The following MCUB variants were observed in gnomAD, a reference collection of about 807,000 sequenced individuals.
MCUB encodes the protein calcium uniporter regulatory subunit MCUb, mitochondrial.
A neutral mutation model predicts 41.4 loss-of-function variants in MCUB; 46 were observed. The ratio of observed to expected loss-of-function variants is 1.11; its 90% CI spans 0.88 to 1.42. The LOEUF (loss-of-function observed/expected upper bound fraction) is 1.42. Among genes scored for constraint, MCUB ranks in the 40% most tolerant of loss-of-function variants. The probability of loss-of-function intolerance (pLI) is 0.00; values close to 1 mark genes in which losing one functional copy is unlikely to be tolerated. For synonymous variants in MCUB, 148 were observed against 148.2 expected, an observed-to-expected ratio of 1.00 and a Z score of 0.01; for missense variants, 403 against 404.9, an observed-to-expected ratio of 1.00 and a Z score of 0.04.
At chr4:109,656,290 A>ACCTCTGGGGAGACTT (rs1209217697) in intron 1 of MCUB, among the ~76,000 whole-genome samples, 1 of 147,392 alleles carries the variant, frequency 6.8e-6, no homozygotes, top group Admixed American at 7.0e-5. Flanking sequence ...GGCAGTGGTT[A>ACCTCTGGGGAGACTT]CCTCTGGGGA....
intron 1 of MCUB, among the ~76,000 whole-genome samples, chr4:109,569,288 C>T (rs1050893633): frequency 1.3e-5 from 2 of 151,988 alleles, no homozygotes; most frequent in Non-Finnish European, 2.9e-5. Flanking sequence ...CCTTGTGATC[C>T]GCCCGTCTCG....
intron 1 of MCUB, among the ~76,000 whole-genome samples, chr4:109,560,696 C>T (rs1726603849): frequency 6.6e-6 from 1 of 152,182 alleles, no homozygotes; most frequent in Admixed American, 6.5e-5. Context: ...TCACCCGGGC[C>T]GAGATAGGGT....
chr4:109,687,749 CT>C lies in MCUB; in HGVS notation c.*162del, dbSNP rs1729884065. 1.7e-6 allele frequency: 1 copy of C among 599,098 alleles called. No homozygotes were observed. The highest frequency in any genetic ancestry group is 2.1e-5 in the South Asian group (1 of 47,230). The allele number at this position is 599,098 out of a possible 1,614,324, so 37.1% of individuals were successfully genotyped here. A position where few individuals can be genotyped will look rare whatever the true frequency, so the allele number is the denominator to read the frequency against. On this transcript the variant is annotated 3_prime_UTR_variant, in exon 8 of 8. Transcript: ENST00000394650. ...TTGAAGTTCTCAACTGAGATTTTTA[CT>C]TTTTGGATTTTTATGACTTGCTAAT...
At chr4:109,650,025 T>C (rs1029452) in intron 1 of MCUB, among the ~76,000 whole-genome samples, 22,453 of 152,118 alleles carry the variant, frequency 0.15, 2,130 homozygotes, top group African/African-American at 0.26. Context: ...ATTTGGTTCA[T>C]ACCATTTGTT....
chr4:109,656,354 CTTTTTTTTTTTTTTTTTTTTTTTT>C lies in MCUB; in HGVS notation c.100-2642_100-2619del, dbSNP rs752851425. On this transcript the variant is annotated intron_variant, in intron 1 of 7. Transcript: ENST00000394650. ...GAGGGGCTCTAACTTTTACTCTCTA[CTTTTTTTTTTTTTTTTTTTTTTTT>C]TTTTTTTTTTTTTTGGAGACAGGGT... 1.3e-4 allele frequency among the ~76,000 whole-genome samples: 8 copies of C among 62,096 alleles called. No homozygotes were observed. The Admixed American group carries it at 1.3e-3, about 10-fold the overall frequency. The allele number at this position is 62,096 out of a possible 152,430, so 40.7% of individuals were successfully genotyped here.
rs543277235 is a variant in MCUB at position 109,651,078 on chromosome 4, T to A, written c.100-7933T>A. 2.0e-5 allele frequency among the ~76,000 whole-genome samples: 3 copies of A among 152,346 alleles called. No individual in the cohort carries two copies. The South Asian group carries it at 6.2e-4, about 32-fold the overall frequency. ...TCCCTTTGAAGTTATTATTTTTCCTTTGGGATTAATGCTTTTGTGTGAAGG... is the reference window on the plus strand; with the variant it reads ...TCCCTTTGAAGTTATTATTTTTCCTATGGGATTAATGCTTTTGTGTGAAGG... On this transcript the variant is annotated intron_variant, in intron 1 of 7. Transcript: ENST00000394650.
At chr4:109,623,697 A>C (rs1728302698) in intron 1 of MCUB, among the ~76,000 whole-genome samples, 1 of 152,198 alleles carries the variant, frequency 6.6e-6, no homozygotes, top group Non-Finnish European at 1.5e-5. Context: ...ACCCAAGAAC[A>C]CTCAAGAATG....
intron 1 of MCUB, among the ~76,000 whole-genome samples, chr4:109,645,115 T>C (rs1461172126): frequency 6.6e-6 from 1 of 152,176 alleles, no homozygotes; most frequent in Non-Finnish European, 1.5e-5. Context: ...ACTGAGCTCT[T>C]TCTTATTCCT....
intron 4 of MCUB, among the ~76,000 whole-genome samples, chr4:109,680,382 C>CAGA (rs1729689176): frequency 6.6e-6 from 1 of 152,122 alleles, no homozygotes. Context: ...TCACCCTGCC[C>CAGA]ATTCTGTCAT....
At chr4:109,682,856 C>A (rs920131313) in intron 5 of MCUB, 114 bp downstream of exon 5, 2 of 762,432 alleles carry the variant, frequency 2.6e-6, no homozygotes, top group Non-Finnish European at 4.1e-6. Flanking sequence ...CTCCTTTACG[C>A]CTCACAAAAA....
At chr4:109,598,455 G>A (rs1000205720) in intron 1 of MCUB, among the ~76,000 whole-genome samples, 1 of 151,870 alleles carries the variant, frequency 6.6e-6, no homozygotes, top group Non-Finnish European at 1.5e-5. Context: ...AACCAGTCAG[G>A]CGTGGCAGCG....
In MCUB at chr4:109,688,332, T is replaced by C. The variant is rs1480109171; in HGVS notation, c.*740T>C. The C allele has an allele frequency of 6.6e-6, 1 of 152,132 alleles. No homozygotes were observed. The highest frequency in any genetic ancestry group is 1.5e-5 in the Non-Finnish European group (1 of 68,050). The allele number at this position is 152,132 out of a possible 1,614,324, so 9.4% of individuals were successfully genotyped here. On this transcript the variant is annotated 3_prime_UTR_variant, in exon 8 of 8. Coordinates refer to ENST00000394650, the MANE Select transcript of MCUB (RefSeq NM_017918.5). ...TTCTATTAATGTGATTGTGTGTGAA[T>C]GGGTCTGATGACTGTTGGACTGTTT... is the stretch of plus-strand genomic sequence containing the variant.
intron 1 of MCUB, among the ~76,000 whole-genome samples, chr4:109,570,742 A>G (rs921321718): frequency 7.2e-5 from 11 of 152,268 alleles, no homozygotes; most frequent in Non-Finnish European, 1.2e-4. Context: ...CCGTATATGT[A>G]TAGTGGGATG....
chr4:109,630,827 C>T (rs531557682), intron 1 of MCUB, among the ~76,000 whole-genome samples: 5 of 152,114 alleles, frequency 3.3e-5, no homozygotes, highest in African/African-American at 1.2e-4. Flanking sequence ...GTGACCCACC[C>T]GCCTCAGCCT....
At chr4:109,630,188 C>T (rs561641795) in intron 1 of MCUB, among the ~76,000 whole-genome samples, 23 of 152,178 alleles carry the variant, frequency 1.5e-4, no homozygotes, top group South Asian at 1.5e-3. Context: ...TTGTTGGGTG[C>T]GGTGGCTTGT....
At chr4:109,562,571 T>A (rs569589118) in intron 1 of MCUB, among the ~76,000 whole-genome samples, 1 of 152,236 alleles carries the variant, frequency 6.6e-6, no homozygotes, top group Non-Finnish European at 1.5e-5. Context: ...TTATGAAATA[T>A]CCTGTGGGTA....
intron 7 of MCUB, 36 bp downstream of exon 7, chr4:109,685,403 G>T: frequency 1.1e-6 from 1 of 901,058 alleles, no homozygotes; most frequent in South Asian, 1.4e-5. Flanking sequence ...TGGTTTGTTT[G>T]GGAGCCAGAA....
intron 1 of MCUB, among the ~76,000 whole-genome samples, chr4:109,611,316 G>C (rs1432615573): frequency 6.6e-6 from 1 of 152,208 alleles, no homozygotes; most frequent in Non-Finnish European, 1.5e-5. Context: ...CCCACTTGTA[G>C]AGATAAGAGA....
chr4:109,684,115 T>C (rs990230984), intron 5 of MCUB, among the ~76,000 whole-genome samples: 2 of 143,738 alleles, frequency 1.4e-5, no homozygotes, highest in African/African-American at 5.8e-5. Flanking sequence ...CAGGCTGGAG[T>C]GCAGTGGAGT....
Sources: gnomAD v4.1 joint callset for allele counts (sites outside exome capture counted in the v4.1 genomes callset) on GRCh38, gnomAD v4.1.1 for gene constraint, MANE v1.5 for transcripts, NCBI Gene and HGNC (gene_info 2026-07-23, HGNC 2026-07-21) for gene names.